Variants in NAALADL2 observed in about 807,000 individuals in gnomAD.
The protein encoded by NAALADL2 is inactive N-acetylated-alpha-linked acidic dipeptidase-like protein 2.
Under a neutral mutation model 87.2 loss-of-function variants are expected in NAALADL2, and 76 were observed. That is an observed-to-expected ratio of 0.87 (90% CI 0.72 to 1.05). The LOEUF is 1.05. Ranked by LOEUF, NAALADL2 falls within the 50% of genes least tolerant of loss-of-function variation. The pLI, the probability that NAALADL2 is intolerant of heterozygous loss-of-function variation, is 0.00. For missense variants in NAALADL2, 1,089 were observed against 945.8 expected (o/e 1.15, Z -1.99); for synonymous variants, 354 against 331.0 (o/e 1.07, Z -0.75).
chr3:175,208,346 G>A (rs1741266387), intron 2 of NAALADL2, among the ~76,000 whole-genome samples: 1 of 152,052 alleles, frequency 6.6e-6, no homozygotes, highest in Non-Finnish European at 1.5e-5. Flanking sequence ...TAGTACCCCT[G>A]CCATTAGATC....
At chr3:175,372,098 AT>A (rs1333446878) in intron 5 of NAALADL2, among the ~76,000 whole-genome samples, 6 of 151,952 alleles carry the variant, frequency 3.9e-5, no homozygotes, top group South Asian at 2.1e-4. Context: ...AGTTCACAAA[AT>A]TTTTTTTCCA....
At chr3:175,013,190 A>ATG (rs1482885236) in intron 1 of NAALADL2, among the ~76,000 whole-genome samples, 15 of 119,656 alleles carry the variant, frequency 1.3e-4, no homozygotes, top group East Asian at 4.3e-4. Flanking sequence ...ATATATAAAT[A>ATG]TATATACATA....
chr3:175,044,591 G>A (rs1180967022), intron 1 of NAALADL2, among the ~76,000 whole-genome samples: 1 of 152,060 alleles, frequency 6.6e-6, no homozygotes, highest in Non-Finnish European at 1.5e-5. Flanking sequence ...ATAATCTTCT[G>A]TCACTTCAGG....
intron 9 of NAALADL2, among the ~76,000 whole-genome samples, chr3:175,534,322 A>T (rs903427534): frequency 3.9e-5 from 6 of 152,072 alleles, no homozygotes; most frequent in Non-Finnish European, 8.8e-5. Context: ...GTATTAACTC[A>T]CACTATCACA....
intron 2 of NAALADL2, among the ~76,000 whole-genome samples, chr3:174,649,832 T>G (rs1308701536): frequency 2.6e-5 from 4 of 152,156 alleles, no homozygotes; most frequent in Non-Finnish European, 5.9e-5. Flanking sequence ...TTATATCTCT[T>G]TTGGTAATAA....
intron 1 of NAALADL2, among the ~76,000 whole-genome samples, chr3:174,884,323 T>C (rs115212849): frequency 0.013 from 2,010 of 152,276 alleles, 25 homozygotes; most frequent in South Asian, 0.019. Context: ...TGGAGAACTT[T>C]GTGTCCCAGC....
At chr3:175,173,261 C>A (rs992946784) in intron 2 of NAALADL2, among the ~76,000 whole-genome samples, 1 of 151,590 alleles carries the variant, frequency 6.6e-6, no homozygotes, top group African/African-American at 2.4e-5. Flanking sequence ...TACCGCACTC[C>A]AGCCTTGGTG....
At chr3:175,739,654 A>G (rs993098263) in intron 12 of NAALADL2, among the ~76,000 whole-genome samples, 9 of 152,176 alleles carry the variant, frequency 5.9e-5, no homozygotes, top group Non-Finnish European at 1.2e-4. Context: ...TCATTTAACA[A>G]ATATTTATTG....
chr3:175,622,233 A>G (rs557283510), intron 10 of NAALADL2, among the ~76,000 whole-genome samples: 7 of 152,254 alleles, frequency 4.6e-5, no homozygotes, highest in African/African-American at 1.7e-4. Flanking sequence ...ATTAATAAAA[A>G]GGCATTTATA....
At chr3:174,686,867 TACC>T (rs1220201790) in intron 2 of NAALADL2, among the ~76,000 whole-genome samples, 7 of 152,046 alleles carry the variant, frequency 4.6e-5, no homozygotes. Context: ...ACCTAAGCGG[TACC>T]ACTTAGGATA....
intron 13 of NAALADL2, among the ~76,000 whole-genome samples, chr3:175,790,948 C>T (rs780261074): frequency 6.6e-6 from 1 of 152,174 alleles, no homozygotes; most frequent in Non-Finnish European, 1.5e-5. Context: ...GTAAAACTCA[C>T]TGGAGGAATT....
At chr3:174,937,436 C>T (rs1391222282) in intron 1 of NAALADL2, among the ~76,000 whole-genome samples, 1 of 152,022 alleles carries the variant, frequency 6.6e-6, no homozygotes, top group Non-Finnish European at 1.5e-5. Flanking sequence ...AAGATTTAAT[C>T]TCAATTTCTT....
intron 13 of NAALADL2, among the ~76,000 whole-genome samples, chr3:175,790,637 G>A (rs2108287517): frequency 6.6e-6 from 1 of 152,226 alleles, no homozygotes; most frequent in Admixed American, 6.5e-5. Context: ...CTTGGAGCAA[G>A]AAATAGGCAC....
chr3:174,760,984 C>T (rs1712861693), intron 3 of NAALADL2, among the ~76,000 whole-genome samples: 1 of 152,176 alleles, frequency 6.6e-6, no homozygotes, highest in Non-Finnish European at 1.5e-5. Context: ...GATCCCCACA[C>T]AGCTGATGCA....
chr3:175,804,818 C>A lies in NAALADL2; in HGVS notation c.*1615C>A, dbSNP rs911161721. The A allele has an allele frequency of 6.6e-6, 1 of 151,720 alleles. No homozygotes were observed. The highest frequency in any genetic ancestry group is 6.6e-5 in the Admixed American group (1 of 15,182). The allele number at this position is 151,720 out of a possible 1,614,324, so 9.4% of individuals were successfully genotyped here. A position where few individuals can be genotyped will look rare whatever the true frequency, so the allele number is the denominator to read the frequency against. On this transcript the variant is annotated 3_prime_UTR_variant, in exon 14 of 14. Transcript: ENST00000454872. Reference sequence around the variant, plus strand: ...CTAAATAATTTTTATATGCTCAAGGCAAAGCAGGGAATAGAGGCAATTAGC... The same window carrying A: ...CTAAATAATTTTTATATGCTCAAGGAAAAGCAGGGAATAGAGGCAATTAGC...
intron 2 of NAALADL2, among the ~76,000 whole-genome samples, chr3:175,115,609 A>C (rs1005983984): frequency 7.9e-5 from 12 of 151,704 alleles, no homozygotes; most frequent in Admixed American, 6.6e-4. Flanking sequence ...TGATGGGTTA[A>C]GAAGCCACTT....
chr3:174,572,525 A>C (rs552355180), intron 2 of NAALADL2, among the ~76,000 whole-genome samples: 2 of 152,296 alleles, frequency 1.3e-5, no homozygotes, highest in East Asian at 3.9e-4. Context: ...AAGCAATAAA[A>C]AAGAAAATAA....
intron 3 of NAALADL2, among the ~76,000 whole-genome samples, chr3:174,777,769 C>T (rs1396408759): frequency 3.3e-5 from 5 of 152,006 alleles, no homozygotes; most frequent in Middle Eastern, 3.2e-3. Context: ...CAACAAGGAG[C>T]TTAGTTCATC....
At chr3:175,026,505 A>AAT (rs1553919627) in intron 1 of NAALADL2, among the ~76,000 whole-genome samples, 8 of 150,040 alleles carry the variant, frequency 5.3e-5, no homozygotes, top group Admixed American at 2.0e-4. Flanking sequence ...AAAAAAAAAA[A>AAT]TTAGCCATAC....
Sources: gnomAD v4.1 joint callset for allele counts (sites outside exome capture counted in the v4.1 genomes callset) on GRCh38, gnomAD v4.1.1 for gene constraint, MANE v1.5 for transcripts, NCBI Gene and HGNC (gene_info 2026-07-23, HGNC 2026-07-21) for gene names.